Variants in SLC10A1 observed in about 807,000 individuals in gnomAD.
SLC10A1 encodes the protein hepatic sodium/bile acid cotransporter.
SLC10A1 carries 36 observed loss-of-function variants against 20.5 expected under a neutral mutation model. The observed-to-expected ratio is 1.75, with a 90% CI of 1.34 to 2.32. The LOEUF (loss-of-function observed/expected upper bound fraction) is 2.32, where lower values mean the gene tolerates loss of function less well. SLC10A1 is among the 30% of genes most tolerant of loss of function. The probability of loss-of-function intolerance (pLI) is 0.00; values close to 1 mark genes in which losing one functional copy is unlikely to be tolerated. For synonymous variants in SLC10A1, 188 were observed against 163.6 expected, an observed-to-expected ratio of 1.15 and a Z score of -1.14; for missense variants, 545 against 439.1, an observed-to-expected ratio of 1.24 and a Z score of -2.16.
chr14:69,777,284 G>T (rs1883467534), intron 4 of SLC10A1, among the ~76,000 whole-genome samples: 1 of 152,186 alleles, frequency 6.6e-6, no homozygotes, highest in African/African-American at 2.4e-5. Flanking sequence ...TGTATGGTCA[G>T]CCTGTACTTG....
chr14:69,788,665 C>T (rs888043262), intron 1 of SLC10A1, among the ~76,000 whole-genome samples: 3 of 152,068 alleles, frequency 2.0e-5, no homozygotes, highest in Non-Finnish European at 4.4e-5. Flanking sequence ...CTGTCTCAGC[C>T]TCCCGAGTAG....
intron 4 of SLC10A1, 136 bp from the exon 5 acceptor site, chr14:69,776,524 T>C (rs1883452273): frequency 1.5e-6 from 1 of 666,076 alleles, no homozygotes; most frequent in Admixed American, 2.7e-5. Context: ...ATCTCTGTCG[T>C]CTCTCCCATG....
In SLC10A1 at chr14:69,778,434, G is replaced by A. The variant is rs1378017301; in HGVS notation, c.842C>T (p.Pro281Leu). Residue 281 changes from proline to leucine, a missense_variant, in exon 4 of 5, where the codon CCA becomes CTA. Pro to Leu is a moderately conservative substitution (Grantham distance 98). Transcript: ENST00000216540. ...GTAGAGGAGGGGAAAGAAGAAAAGT[G>A]GTCCAATGACTTCAGGTGGAAAGGC... ...NVAFPPEVIG[P>L]LFFFPLLYMI... 1 of 1,614,040 alleles carries A rather than the reference G, an allele frequency of 6.2e-7. No homozygotes were observed. Among genetic ancestry groups the A allele is most frequent in the East Asian group, 2.2e-5 (1 of 44,874 alleles).
In SLC10A1 at chr14:69,779,290, C is replaced by A; in HGVS notation, c.638G>T (p.Ser213Ile). The A allele has an allele frequency of 6.2e-7, 1 of 1,613,958 alleles. No homozygotes were observed. The highest frequency in any genetic ancestry group is 8.5e-7 in the Non-Finnish European group (1 of 1,179,924). ...GAGTGGTGTCATGGCAAACATGATGCTCTTCCCCACATTGATGGCAGAGAG... is the reference window on the plus strand; with the variant it reads ...GAGTGGTGTCATGGCAAACATGATGATCTTCCCCACATTGATGGCAGAGAG... ...TVLSAINVGK[S>I]IMFAMTPLLI... Residue 213 changes from serine (S) to isoleucine (I), a missense_variant, in exon 3 of 5, where the codon AGC (serine) becomes ATC (isoleucine). Physicochemically the swap from Ser to Ile is moderately radical, Grantham distance 142 (BLOSUM62 -2). Coordinates refer to ENST00000216540, the MANE Select transcript of SLC10A1 (RefSeq NM_003049.4).
At chr14:69,776,557 C>T (rs573380132) in intron 4 of SLC10A1, among the ~76,000 whole-genome samples, 169 bp from the exon 5 acceptor site, 1 of 152,316 alleles carries the variant, frequency 6.6e-6, no homozygotes, top group African/African-American at 2.4e-5. Context: ...AACTCACTTT[C>T]CCCTCAGTCT....
intron 2 of SLC10A1, among the ~76,000 whole-genome samples, chr14:69,782,763 G>A (rs1249349001): frequency 1.3e-5 from 2 of 150,094 alleles, no homozygotes; most frequent in African/African-American, 2.5e-5. Flanking sequence ...AGCCGAGCTC[G>A]CGCCACTGCA....
At chr14:69,779,469 TG>T (rs1416086141) in intron 2 of SLC10A1, 109 bp from the exon 3 acceptor site, 1 of 763,588 alleles carries the variant, frequency 1.3e-6, no homozygotes, top group African/African-American at 1.8e-5. Flanking sequence ...AATAAAACAC[TG>T]GAAGTGGAAA....
intron 2 of SLC10A1, among the ~76,000 whole-genome samples, chr14:69,783,240 G>A (rs1324977665): frequency 6.6e-6 from 1 of 152,168 alleles, no homozygotes; most frequent in Non-Finnish European, 1.5e-5. Context: ...AGCTATGGGG[G>A]CACTGTGATA....
intron 1 of SLC10A1, among the ~76,000 whole-genome samples, chr14:69,795,115 C>T (rs1030085278): frequency 6.6e-6 from 1 of 152,236 alleles, no homozygotes; most frequent in Non-Finnish European, 1.5e-5. Flanking sequence ...TTGGGACACA[C>T]AGGCTGCCAT....
intron 1 of SLC10A1, among the ~76,000 whole-genome samples, chr14:69,796,102 C>A (rs778128690): frequency 3.3e-5 from 5 of 152,170 alleles, no homozygotes; most frequent in Admixed American, 6.5e-5. Context: ...CAGGAGCGAG[C>A]CCTTGCTGAT....
intron 2 of SLC10A1, among the ~76,000 whole-genome samples, chr14:69,779,566 A>G (rs1321948032): frequency 1.3e-5 from 2 of 152,140 alleles, no homozygotes; most frequent in East Asian, 1.9e-4. Flanking sequence ...GGGTCTTACT[A>G]TGTTGCCCAG....
In SLC10A1 at chr14:69,786,130, G is replaced by T. The variant is rs775154320; in HGVS notation, c.534C>A (p.Ser178=). 1 of 1,614,152 alleles carries T rather than the reference G, an allele frequency of 6.2e-7. No individual in the cohort carries two copies. The highest frequency in any genetic ancestry group is 8.5e-7 in the Non-Finnish European group (1 of 1,180,026). Residue 178 remains serine, a synonymous_variant, in exon 2 of 5, where the codon TCC becomes TCA. Transcript: ENST00000216540. ...CATAGCGCATGTATTGTGGCCGTTT[G>T]GATTTGAGGACGATCCCTATGGTGC... The part of the protein sequence containing the change: ...IPCTIGIVLK[S]KRPQYMRYVI...
intron 4 of SLC10A1, 33 bp downstream of exon 4, chr14:69,778,300 A>C (rs1392302284): frequency 6.5e-7 from 1 of 1,533,004 alleles, no homozygotes; most frequent in East Asian, 2.3e-5. Flanking sequence ...ATATTGGAGC[A>C]GAACTTGAAG....
rs201290531 is a variant in SLC10A1, at chr14:69,778,406, C to A, written c.870G>T (p.Met290Ile). 1.2e-6 allele frequency: 2 copies of A among 1,613,922 alleles called. No individual in the cohort carries two copies. The highest frequency in any genetic ancestry group is 2.2e-5 in the South Asian group (2 of 91,052). ...GAAGCCCTTCTCCAAGCTGGAAAATCATGTAGAGGAGGGGAAAGAAGAAAA... is the reference window on the plus strand; with the variant it reads ...GAAGCCCTTCTCCAAGCTGGAAAATAATGTAGAGGAGGGGAAAGAAGAAAA... ...GPLFFFPLLY[M>I]IFQLGEGLLL... Residue 290 changes from methionine to isoleucine, a missense_variant, in exon 4 of 5, where the codon ATG becomes ATT. Met to Ile is a conservative substitution (Grantham distance 10). Transcript: ENST00000216540.
intron 2 of SLC10A1, among the ~76,000 whole-genome samples, chr14:69,783,645 G>A (rs1883648013): frequency 6.6e-6 from 1 of 152,208 alleles, no homozygotes; most frequent in Non-Finnish European, 1.5e-5. Context: ...CTATCCTAGG[G>A]GGAAGGAGTC....
rs1882397017 is a variant in SLC10A1 at position 69,796,926 on chromosome 14, A to G, written c.230T>C (p.Phe77Ser). ...AQYGIMPLTA[F>S]VLGKVFRLKN... ...CAGCCGGAAGACCTTGCCCAGCACAAAGGCCGTGAGGGGCATGATGCCATA... is the reference window on the plus strand; with the variant it reads ...CAGCCGGAAGACCTTGCCCAGCACAGAGGCCGTGAGGGGCATGATGCCATA... Residue 77 changes from phenylalanine to serine, a missense_variant, in exon 1 of 5, where the codon TTT (phenylalanine) becomes TCT (serine). Coordinates refer to ENST00000216540, the MANE Select transcript of SLC10A1 (RefSeq NM_003049.4). 1.2e-6 allele frequency: 2 copies of G among 1,614,098 alleles called. No individual in the cohort carries two copies. The highest frequency in any genetic ancestry group is 1.7e-5 in the Admixed American group (1 of 60,014).
At chr14:69,794,469 C>T (rs1322541880) in intron 1 of SLC10A1, among the ~76,000 whole-genome samples, 1 of 152,196 alleles carries the variant, frequency 6.6e-6, no homozygotes, top group Non-Finnish European at 1.5e-5. Flanking sequence ...AGTTTCCTTA[C>T]CTCTAAATGC....
At chr14:69,776,553 C>G (rs759178817) in intron 4 of SLC10A1, among the ~76,000 whole-genome samples, 165 bp from the exon 5 acceptor site, 1 of 152,344 alleles carries the variant, frequency 6.6e-6, no homozygotes, top group Non-Finnish European at 1.5e-5. Flanking sequence ...TTTAAACTCA[C>G]TTTCCCCTCA....
intron 4 of SLC10A1, among the ~76,000 whole-genome samples, chr14:69,777,197 C>G (rs1246968908): frequency 6.6e-6 from 1 of 152,144 alleles, no homozygotes; most frequent in Admixed American, 6.5e-5. Flanking sequence ...TTGCGTTCCT[C>G]TCAGATAAGC....
Sources: gnomAD v4.1 joint callset for allele counts (sites outside exome capture counted in the v4.1 genomes callset) on GRCh38, gnomAD v4.1.1 for gene constraint, MANE v1.5 for transcripts, NCBI Gene and HGNC (gene_info 2026-07-23, HGNC 2026-07-21) for gene names.